The following NRXN2 variants were observed in gnomAD, a reference collection of about 807,000 sequenced individuals.
NRXN2 encodes the protein neurexin-2-beta.
NRXN2 carries 29 observed loss-of-function variants against 128.8 expected under a neutral mutation model. That is an observed-to-expected ratio of 0.23 (90% CI 0.17 to 0.31). The LOEUF (loss-of-function observed/expected upper bound fraction) is 0.31. Ranked by LOEUF, NRXN2 falls within the 10% of genes least tolerant of loss-of-function variation. NRXN2 has a pLI of 1.00. For synonymous variants in NRXN2, 1,098 were observed against 1,075.2 expected (o/e 1.02, Z -0.41); for missense variants, 1,881 against 2,452.6 (o/e 0.77, Z 4.92).
chr11:64,688,054 A>G (rs1431717250), intron 5 of NRXN2, among the ~76,000 whole-genome samples: 4 of 152,214 alleles, frequency 2.6e-5, no homozygotes, highest in Non-Finnish European at 5.9e-5. Context: ...GTATCATTAA[A>G]GAGAGTCAAA....
rs374880251 is a variant in NRXN2 at position 64,707,103 on chromosome 11, G to A, written c.730+5867C>T. Among the ~76,000 whole-genome samples, 86 of 152,184 alleles carry A rather than the reference G, an allele frequency of 5.7e-4. 1 individual carries two copies. The South Asian group carries it at 0.018, about 31-fold the overall frequency. ...ATACATAAAGAAAAATGGGTCAGGT[G>A]CGGTGGCTCACACCTGTAATCCCAG... On this transcript the variant is annotated intron_variant, in intron 2 of 22. Coordinates refer to ENST00000265459, the MANE Select transcript of NRXN2 (RefSeq NM_015080.4).
chr11:64,682,054 G>T (rs1216323012), intron 6 of NRXN2, among the ~76,000 whole-genome samples: 1 of 151,656 alleles, frequency 6.6e-6, no homozygotes, highest in Admixed American at 6.6e-5. Flanking sequence ...TCCATCTTTG[G>T]GGGGCTACAC....
At chr11:64,621,187 C>T (rs1277084290) in intron 21 of NRXN2, among the ~76,000 whole-genome samples, 1 of 152,138 alleles carries the variant, frequency 6.6e-6, no homozygotes, top group Non-Finnish European at 1.5e-5. Flanking sequence ...CACCCAAGGG[C>T]AAGGCAGTGC....
intron 1 of NRXN2, among the ~76,000 whole-genome samples, chr11:64,717,322 G>C (rs1213050799): frequency 6.6e-6 from 1 of 152,180 alleles, no homozygotes; most frequent in African/African-American, 2.4e-5. Context: ...ACTGACGTCA[G>C]TGCAGTGCAC....
intron 3 of NRXN2, among the ~76,000 whole-genome samples, chr11:64,697,472 G>A (rs867129409): frequency 1.3e-5 from 2 of 152,154 alleles, no homozygotes; most frequent in Middle Eastern, 3.4e-3. Context: ...TGGGCACTTC[G>A]GAATCCTGTC....
intron 11 of NRXN2, among the ~76,000 whole-genome samples, chr11:64,657,676 T>A (rs984814246): frequency 3.3e-5 from 5 of 152,174 alleles, no homozygotes; most frequent in African/African-American, 9.7e-5. Flanking sequence ...AGGCCCCAGG[T>A]CTTCTGGCCC....
Position 64,630,425 on chromosome 11 carries a change from G to A in NRXN2, c.3734C>T (p.Pro1245Leu). 1 of 1,611,986 alleles carries A rather than the reference G, an allele frequency of 6.2e-7. No individual in the cohort carries two copies. Among genetic ancestry groups the A allele is most frequent in the Non-Finnish European group, 8.5e-7 (1 of 1,179,208 alleles). Residue 1245 changes from proline (P) to leucine (L), a missense_variant, in exon 19 of 23, where the codon CCG becomes CTG. Coordinates refer to ENST00000265459, the MANE Select transcript of NRXN2 (RefSeq NM_015080.4). The surrounding 1 kb of genome is among the most constrained non-coding windows in gnomAD (Gnocchi z 4.6). ...GNATLQVDSW[P>L]VNERYPAGNF... is the part of the protein sequence containing the mutation. ...ACCTGCCGGGTACCGCTCGTTGACC[G>A]GCCAGCTGTCCACCTGCAGGGTGGC...
rs1464534903 is a variant in NRXN2, at chr11:64,607,274, C to T, written c.5061G>A (p.Val1687=). Residue 1687 remains valine, a synonymous_variant, in exon 23 of 23, where the codon GTG becomes GTA. Coordinates refer to ENST00000265459, the MANE Select transcript of NRXN2 (RefSeq NM_015080.4). ...ISNSAQSNGA[V]VKEKAPAAPK... is the part of the protein sequence containing the mutation. ...GGGCAGCCGGGGCCTTCTCTTTCACCACCGCCCCATTGCTCTGGGCCGAGT... is the reference window on the plus strand; with the variant it reads ...GGGCAGCCGGGGCCTTCTCTTTCACTACCGCCCCATTGCTCTGGGCCGAGT... 6.2e-7 allele frequency: 1 copy of T among 1,613,966 alleles called. No homozygotes were observed. Among genetic ancestry groups the T allele is most frequent in the Non-Finnish European group, 8.5e-7 (1 of 1,179,954 alleles).
Position 64,606,935 on chromosome 11 carries a change from C to T in NRXN2, c.*261G>A. The T allele has an allele frequency of 1.9e-6, 1 of 537,618 alleles. No individual in the cohort carries two copies. Among genetic ancestry groups the T allele is most frequent in the Non-Finnish European group, 3.3e-6 (1 of 300,314 alleles). 33.3% of individuals were successfully genotyped at this position (537,618 alleles called of 1,614,324 possible). On this transcript the variant is annotated 3_prime_UTR_variant, in exon 23 of 23. Coordinates refer to ENST00000265459, the MANE Select transcript of NRXN2 (RefSeq NM_015080.4). ...CTTAAAAAAATAAATCAACCCAGGG[C>T]TGTGAGCACGTGCCCTGCCTGGCAG...
At chr11:64,650,950 TG>T (rs2135453378) in intron 14 of NRXN2, among the ~76,000 whole-genome samples, 1 of 151,442 alleles carries the variant, frequency 6.6e-6, no homozygotes, top group East Asian at 1.9e-4. Flanking sequence ...TGCTCTGGAG[TG>T]GGGTCCCCTA....
intron 9 of NRXN2, chr11:64,661,460 T>C (rs1331850134): frequency 9.9e-6 from 12 of 1,209,700 alleles, no homozygotes; most frequent in Non-Finnish European, 1.3e-5. Flanking sequence ...TGCCGAAATC[T>C]TGAGCTCGGA....
intron 5 of NRXN2, chr11:64,688,532 C>A (rs1007374635): frequency 2.2e-5 from 22 of 985,220 alleles, no homozygotes; most frequent in Non-Finnish European, 2.7e-5. Context: ...CTCAGCAGAG[C>A]ACAAACAAGA....
chr11:64,626,428 G>T, intron 20 of NRXN2, 35 bp downstream of exon 20: 1 of 1,480,840 alleles, frequency 6.8e-7, no homozygotes, highest in Non-Finnish European at 9.4e-7. Flanking sequence ...TGTTTTTAAA[G>T]TTAATTAATT....
intron 21 of NRXN2, among the ~76,000 whole-genome samples, chr11:64,621,898 T>C (rs1305944942): frequency 6.6e-6 from 1 of 152,052 alleles, no homozygotes; most frequent in African/African-American, 2.4e-5. Context: ...ATTCCCCAGG[T>C]GCAGGCCCCT....
Position 64,713,114 on chromosome 11 carries a change from C to T in NRXN2, c.586G>A (p.Gly196Ser). The change falls in exon 2 of 23, where the codon GGC (glycine) becomes AGC (serine). Residue 196 changes from glycine (G) to serine (S), a missense_variant. Gly to Ser is a moderately conservative substitution (Grantham distance 56, BLOSUM62 0). Transcript: ENST00000265459. Reference sequence around the variant, plus strand: ...GGGTCGGCGGTGGCGCCGCGCAGGCCCTGGCTGCCCAGCAGCGCGGGGGGC... The same window carrying T: ...GGGTCGGCGGTGGCGCCGCGCAGGCTCTGGCTGCCCAGCAGCGCGGGGGGC... ...ERPPALLGSQ[G>S]LRGATADPLC... 7.1e-6 allele frequency: 10 copies of T among 1,402,190 alleles called. No individual in the cohort carries two copies. Among genetic ancestry groups the T allele is most frequent in the Non-Finnish European group, 9.3e-6 (10 of 1,078,214 alleles). 86.9% of individuals were successfully genotyped at this position (1,402,190 alleles called of 1,614,324 possible).
rs67776872 is a variant in NRXN2, at chr11:64,699,425, C to CTTTTTTTTTT, written c.731-1643_731-1634dup. ...TAAAAGATACATGTCTAATAGTTTTCTTTTTTTTTTTTTTTTTTTTTTGAG... is the reference window on the plus strand; with the variant it reads ...TAAAAGATACATGTCTAATAGTTTTCTTTTTTTTTTTTTTTTTTTTTTTTTTTTTTTTGAG... On this transcript the variant is annotated intron_variant, in intron 2 of 22. Transcript: ENST00000265459. Among the ~76,000 whole-genome samples the CTTTTTTTTTT allele has an allele frequency of 1.3e-3, 121 of 92,094 alleles. 1 individual carries two copies. Among genetic ancestry groups the CTTTTTTTTTT allele is most frequent in the Non-Finnish European group, 1.6e-3 (81 of 52,102 alleles). The allele number at this position is 92,094 out of a possible 152,430, so 60.4% of individuals were successfully genotyped here.
At chr11:64,655,328 G>A (rs2048101291) in intron 11 of NRXN2, among the ~76,000 whole-genome samples, 1 of 152,202 alleles carries the variant, frequency 6.6e-6, no homozygotes, top group South Asian at 2.1e-4. Flanking sequence ...AGAGGGAAGT[G>A]AGAAGTCTCA....
At chr11:64,683,619 CAA>C (rs146075955) in intron 6 of NRXN2, among the ~76,000 whole-genome samples, 38 of 75,658 alleles carry the variant, frequency 5.0e-4, no homozygotes, top group Admixed American at 4.5e-4. Context: ...GACTCCATCT[CAA>C]AAAAAAAAAA....
At chr11:64,702,215 C>T (rs549061236) in intron 2 of NRXN2, among the ~76,000 whole-genome samples, 2,619 of 151,572 alleles carry the variant, frequency 0.017, 23 homozygotes, top group Admixed American at 0.032. Context: ...CCGCCCCGTC[C>T]GGGAGGTGAG....
Sources: gnomAD v4.1 joint callset for allele counts (sites outside exome capture counted in the v4.1 genomes callset) on GRCh38, gnomAD v4.1.1 for gene constraint, Gnocchi (gnomAD v3.1) non-coding constraint, MANE v1.5 for transcripts, NCBI Gene and HGNC (gene_info 2026-07-23, HGNC 2026-07-21) for gene names.